PRMT5: variants seen among roughly 807,000 people sequenced by gnomAD.
The protein encoded by PRMT5 is protein arginine N-methyltransferase 5.
PRMT5 carries 15 observed loss-of-function variants against 84.0 expected under a neutral mutation model. The observed-to-expected ratio is 0.18, with a 90% CI of 0.12 to 0.28. The LOEUF is 0.28. PRMT5 is among the 10% of genes least tolerant of loss of function. The pLI is 1.00. For missense variants in PRMT5, 486 were observed against 808.0 expected, an observed-to-expected ratio of 0.60 and a Z score of 4.83; for synonymous variants, 276 against 292.4, an observed-to-expected ratio of 0.94 and a Z score of 0.57.
At position 22,927,612 on chromosome 14, in the gene PRMT5, A is replaced by G; in HGVS notation, c.364T>C (p.Phe122Leu). 1 of 1,614,136 alleles carries G rather than the reference A, an allele frequency of 6.2e-7. No individual in the cohort carries two copies. Among genetic ancestry groups the G allele is most frequent in the Non-Finnish European group, 8.5e-7 (1 of 1,180,026 alleles). Residue 122 changes from phenylalanine to leucine, a missense_variant, in exon 4 of 17, where the codon TTC becomes CTC. Phe to Leu is a conservative substitution (Grantham distance 22). Coordinates refer to ENST00000324366, the MANE Select transcript of PRMT5 (RefSeq NM_006109.5). ...TCTTCCTGATTAAGGGGCAGCAGGA[A>G]AGCTGGAAGACCCAAATATGCACCA... is the stretch of plus-strand genomic sequence containing the variant. Reference protein sequence around the residue: ...NFGAYLGLPAFLLPLNQEDNT... With the variant: ...NFGAYLGLPALLLPLNQEDNT...
rs776816671 is a variant in PRMT5 at position 22,924,451 on chromosome 14, T to A, written c.1076+28A>T. ...GCATATACAGATATAGGTATGCAAG[T>A]CCCTGAGATTGAGGGGAAAGCACTC... On this transcript the variant is annotated intron_variant, in intron 10 of 16. Coordinates refer to ENST00000324366, the MANE Select transcript of PRMT5 (RefSeq NM_006109.5). This position sits in a 1 kb window ranked among gnomAD's most constrained non-coding sequence, Gnocchi z 6.5. The A allele has an allele frequency of 6.2e-6, 10 of 1,613,698 alleles. No individual in the cohort carries two copies. Among genetic ancestry groups the A allele is most frequent in the Non-Finnish European group, 8.5e-6 (10 of 1,179,776 alleles).
rs762533204 is a variant in PRMT5 at position 22,923,870 on chromosome 14, G to A, written c.1375+138C>T. ...GATGACTTCATTTGCTAGGGGCACA[G>A]AGGCAGTGAAGCAGTGGCTCTCAAA... On this transcript the variant is annotated intron_variant, in intron 12 of 16. Transcript: ENST00000324366. The surrounding 1 kb of genome is among the most constrained non-coding windows in gnomAD (Gnocchi z 5.2). 8 of 924,544 alleles carry A rather than the reference G, an allele frequency of 8.7e-6. No homozygotes were observed. The highest frequency in any genetic ancestry group is 1.3e-5 in the Non-Finnish European group (8 of 625,582). 57.3% of individuals were successfully genotyped at this position (924,544 alleles called of 1,614,324 possible).
In PRMT5 at chr14:22,924,420, G is replaced by A; in HGVS notation, c.1077-28C>T. 1.2e-6 allele frequency: 2 copies of A among 1,614,048 alleles called. No homozygotes were observed. The highest frequency in any genetic ancestry group is 1.7e-6 in the Non-Finnish European group (2 of 1,179,994). ...AAGAAAGAAAGGGAAGAGTCAAGCA[G>A]ACTTGGCATATACAGATATAGGTAT... On this transcript the variant is annotated intron_variant, in intron 10 of 16. Transcript: ENST00000324366. The surrounding 1 kb of genome is among the most constrained non-coding windows in gnomAD (Gnocchi z 6.5).
In PRMT5 at chr14:22,928,232, A is replaced by G. The variant is rs372025876; in HGVS notation, c.230-21T>C. Reference sequence around the variant, plus strand: ...CCAGTCTGCACTCCCCCACCCAAGAAAGACAAATACTGAATAAGGTTCAGC... The same window carrying G: ...CCAGTCTGCACTCCCCCACCCAAGAGAGACAAATACTGAATAAGGTTCAGC... On this transcript the variant is annotated intron_variant, in intron 2 of 16. Coordinates refer to ENST00000324366, the MANE Select transcript of PRMT5 (RefSeq NM_006109.5). The surrounding 1 kb of genome is among the most constrained non-coding windows in gnomAD (Gnocchi z 4.8). 12 of 1,609,734 alleles carry G rather than the reference A, an allele frequency of 7.5e-6. No individual in the cohort carries two copies. The African/African-American group carries it at 8.0e-5, about 11-fold the overall frequency.
In PRMT5 at chr14:22,928,946, T is replaced by C. The variant is rs945407368; in HGVS notation, c.110+306A>G. 4.9e-6 allele frequency: 3 copies of C among 615,288 alleles called. No individual in the cohort carries two copies. Among genetic ancestry groups the C allele is most frequent in the Middle Eastern group, 3.7e-4 (1 of 2,736 alleles). The allele number at this position is 615,288 out of a possible 1,614,324, so 38.1% of individuals were successfully genotyped here. On this transcript the variant is annotated intron_variant, in intron 1 of 16. Transcript: ENST00000324366. This position sits in a 1 kb window ranked among gnomAD's most constrained non-coding sequence, Gnocchi z 4.8. Reference sequence around the variant, plus strand: ...TCTGCCCATGCCTCCCCCGTCAAAATTAGCCTCTTCTCTCCCTTGCCCCCT... The same window carrying C: ...TCTGCCCATGCCTCCCCCGTCAAAACTAGCCTCTTCTCTCCCTTGCCCCCT...
rs1189534477 is a variant in PRMT5 at position 22,922,535 on chromosome 14, T to C, written c.1604A>G (p.Tyr535Cys). The change falls in exon 15 of 17, where the codon TAT (tyrosine) becomes TGT (cysteine). Residue 535 changes from tyrosine to cysteine, a missense_variant. This residue lies in a region of PRMT5 where 219 missense variants were observed against 433.6 expected (regional missense o/e 0.51). Coordinates refer to ENST00000324366, the MANE Select transcript of PRMT5 (RefSeq NM_006109.5). ...NRDPMIDNNR[Y>C]CTLEFPVEVN... ...CTCCACAGGAAATTCCAAGGTGCAATAGCGGTTGTTGTCAATCATAGGATC... is the reference window on the plus strand; with the variant it reads ...CTCCACAGGAAATTCCAAGGTGCAACAGCGGTTGTTGTCAATCATAGGATC... 3.7e-6 allele frequency: 6 copies of C among 1,613,792 alleles called. No homozygotes were observed. Among genetic ancestry groups the C allele is most frequent in the East Asian group, 2.2e-5 (1 of 44,900 alleles).
In PRMT5 at chr14:22,928,201, C is replaced by T. The variant is rs747681208; in HGVS notation, c.240G>A (p.Thr80=). Residue 80 remains threonine, a synonymous_variant, in exon 3 of 17, where the codon ACG becomes ACA. Transcript: ENST00000324366. The surrounding 1 kb of genome is among the most constrained non-coding windows in gnomAD (Gnocchi z 4.8). ...DLLLSGRDWN[T]LIVGKLSPWI... is the part of the protein sequence containing the mutation. ...ATGGAGAAAGCTTTCCCACAATTAG[C>T]GTATTCCAGTCTGCACTCCCCCACC... 4 of 1,613,932 alleles carry T rather than the reference C, an allele frequency of 2.5e-6. No individual in the cohort carries two copies. Among genetic ancestry groups the T allele is most frequent in the African/African-American group, 2.7e-5 (2 of 74,870 alleles).
At chr14:22,925,238 C>T (rs146315004) in intron 7 of PRMT5, among the ~76,000 whole-genome samples, 198 bp from the exon 8 acceptor site, 1 of 151,556 alleles carries the variant, frequency 6.6e-6, no homozygotes. Flanking sequence ...TCACTTGCAA[C>T]CTCCACCTCC....
In PRMT5 at chr14:22,928,659, T is replaced by G; in HGVS notation, c.111-44A>C. ...CAGAATCATGTAAAGACAGCAGCAG[T>G]GCCAGAGAGCCAAGCAACTGGATTT... On this transcript the variant is annotated intron_variant, in intron 1 of 16. Transcript: ENST00000324366. The surrounding 1 kb of genome is among the most constrained non-coding windows in gnomAD (Gnocchi z 4.8). 2 of 1,449,388 alleles carry G rather than the reference T, an allele frequency of 1.4e-6. No individual in the cohort carries two copies. The highest frequency in any genetic ancestry group is 1.9e-6 in the Non-Finnish European group (2 of 1,029,858). The allele number at this position is 1,449,388 out of a possible 1,614,324, so 89.8% of individuals were successfully genotyped here.
chr14:22,920,868 G>A lies in PRMT5; in HGVS notation c.*36C>T, dbSNP rs74394650. ...CTGTACTACAGGAGCAGAACCTGAAGCTGCTTCCAAGGCTCTGGACACTTG... is the reference window on the plus strand; with the variant it reads ...CTGTACTACAGGAGCAGAACCTGAAACTGCTTCCAAGGCTCTGGACACTTG... On this transcript the variant is annotated 3_prime_UTR_variant, in exon 17 of 17. Coordinates refer to ENST00000324366, the MANE Select transcript of PRMT5 (RefSeq NM_006109.5). 2.3e-3 allele frequency: 3,764 copies of A among 1,612,160 alleles called. 12 individuals are homozygous for A. Among genetic ancestry groups the A allele is most frequent in the Non-Finnish European group, 2.9e-3 (3,418 of 1,178,368 alleles).
rs2044349860 is a variant in PRMT5, at chr14:22,923,494, A to ATATATATTTATTTATTTATT, written c.1376-335_1376-334insAATAAATAAATAAATATATA. 2 of 148,256 alleles carry ATATATATTTATTTATTTATT rather than the reference A, an allele frequency of 1.3e-5. No individual in the cohort carries two copies. Among genetic ancestry groups the ATATATATTTATTTATTTATT allele is most frequent in the African/African-American group, 5.1e-5 (2 of 39,526 alleles). The allele number at this position is 148,256 out of a possible 1,614,324, so 9.2% of individuals were successfully genotyped here. The stretch of plus-strand genomic sequence containing the variant: ...AAGCTAAGCTCAGGGTACATATGTC[A>ATATATATTTATTTATTTATT]TATTTATTTATTTATTTATTTATTT... On this transcript the variant is annotated intron_variant, in intron 12 of 16. Coordinates refer to ENST00000324366, the MANE Select transcript of PRMT5 (RefSeq NM_006109.5). The surrounding 1 kb of genome is among the most constrained non-coding windows in gnomAD (Gnocchi z 5.2).
rs190374451 is a variant in PRMT5, at chr14:22,926,658, A to C, written c.563+44T>G. The C allele has an allele frequency of 1.4e-4, 220 of 1,602,856 alleles. 3 individuals are homozygous for C. The East Asian group carries it at 4.8e-3, about 35-fold the overall frequency. On this transcript the variant is annotated intron_variant, in intron 5 of 16. Coordinates refer to ENST00000324366, the MANE Select transcript of PRMT5 (RefSeq NM_006109.5). ...CAGGTTGCACCCTGTACTTCCCCTC[A>C]CCCTATCCCTTGCACCCTGGTACAG...
chr14:22,922,927 C>T, intron 13 of PRMT5, 92 bp from the exon 14 acceptor site: 1 of 1,412,274 alleles, frequency 7.1e-7, no homozygotes, highest in Non-Finnish European at 9.8e-7. Flanking sequence ...TACTTTAGTG[C>T]TTCCCCAATC....
chr14:22,924,234 GA>G lies in PRMT5; in HGVS notation c.1199+35del. On this transcript the variant is annotated intron_variant, in intron 11 of 16. Transcript: ENST00000324366. The surrounding 1 kb of genome is among the most constrained non-coding windows in gnomAD (Gnocchi z 6.5). Reference sequence around the variant, plus strand: ...AGAGATGTTAAGGAAATTTGGCAATGAGGACTAACTTCCCAGCAAGCAGGTT... The same window carrying G: ...AGAGATGTTAAGGAAATTTGGCAATGGGACTAACTTCCCAGCAAGCAGGTT... The G allele has an allele frequency of 6.2e-7, 1 of 1,612,396 alleles. No homozygotes were observed. The highest frequency in any genetic ancestry group is 8.5e-7 in the Non-Finnish European group (1 of 1,178,718).
intron 4 of PRMT5, 119 bp from the exon 5 acceptor site, chr14:22,926,933 A>G: frequency 1.5e-6 from 1 of 688,106 alleles, no homozygotes; most frequent in Non-Finnish European, 2.6e-6. Context: ...GCTTTTCCCA[A>G]TTTGTAATTT....
At chr14:22,921,754 G>T (rs1014526278) in intron 16 of PRMT5, among the ~76,000 whole-genome samples, 9 of 151,916 alleles carry the variant, frequency 5.9e-5, no homozygotes, top group Non-Finnish European at 1.0e-4. Context: ...GTGGTGGCTG[G>T]CACCTGTAAT....
intron 4 of PRMT5, among the ~76,000 whole-genome samples, chr14:22,927,228 G>A (rs2044441664): frequency 6.6e-6 from 1 of 151,834 alleles, no homozygotes; most frequent in Non-Finnish European, 1.5e-5. Context: ...TGGGACTACA[G>A]GCGTGTGACA....
chr14:22,922,615 T>A (rs759120229), intron 14 of PRMT5, 56 bp from the exon 15 acceptor site: 7 of 1,534,732 alleles, frequency 4.6e-6, no homozygotes, highest in Non-Finnish European at 6.3e-6. Context: ...GACAACTTGA[T>A]AAAGCATGAG....
At chr14:22,922,404 C>T in intron 15 of PRMT5, 39 bp downstream of exon 15, 1 of 1,537,078 alleles carries the variant, frequency 6.5e-7, no homozygotes, top group Non-Finnish European at 9.0e-7. Context: ...CCAGGAAGCA[C>T]ACCCTCATAC....
Sources: gnomAD v4.1 joint callset for allele counts (sites outside exome capture counted in the v4.1 genomes callset) on GRCh38, gnomAD v4.1.1 for gene constraint, gnomAD v4.1.1 regional missense constraint, Gnocchi (gnomAD v3.1) non-coding constraint, MANE v1.5 for transcripts, NCBI Gene and HGNC (gene_info 2026-07-23, HGNC 2026-07-21) for gene names.